ZNF45: variants seen among roughly 807,000 people sequenced by gnomAD.
ZNF45 encodes zinc finger protein 45.
In ZNF45, 4 loss-of-function variants were observed where a neutral mutation model predicts 12.0. That is an observed-to-expected ratio of 0.33 (90% confidence interval 0.16 to 0.76). The LOEUF is 0.76. ZNF45 is among the 30% of genes least tolerant of loss of function. The pLI is 0.60. For synonymous variants in ZNF45, 272 were observed against 279.6 expected (o/e 0.97, Z 0.27); for missense variants, 700 against 813.0 (o/e 0.86, Z 1.69).
At chr19:43,930,615 C>T (rs969454590) in intron 3 of ZNF45, among the ~76,000 whole-genome samples, 2 of 152,142 alleles carry the variant, frequency 1.3e-5, no homozygotes, top group East Asian at 3.9e-4. Context: ...TGCTCCTCTC[C>T]AGTATAAGAT....
rs1231388284 is a variant in ZNF45 at position 43,913,483 on chromosome 19, C to T, written c.1953G>A (p.Trp651Ter). The change falls in exon 10 of 10, where the codon TGG (tryptophan) becomes TGA (stop). Residue 651 changes from tryptophan to a stop codon, truncating the protein, a stop_gained. Coordinates refer to ENST00000269973, the MANE Select transcript of ZNF45 (RefSeq NM_003425.4). LOFTEE classifies it low-confidence loss of function (END_TRUNC). The stretch of plus-strand genomic sequence containing the variant: ...GCTGATGAATGATAAGACTTGAGCT[C>T]CAACTGAAGCCCTTCCCACACTCCT... ...KCEECGKGFS[W>*]SSSLIIHQRV... 1.2e-6 allele frequency: 2 copies of T among 1,613,306 alleles called. No homozygotes were observed. Among genetic ancestry groups the T allele is most frequent in the African/African-American group, 2.7e-5 (2 of 74,926 alleles).
chr19:43,931,546 T>A (rs1974142817), intron 3 of ZNF45, among the ~76,000 whole-genome samples: 1 of 133,912 alleles, frequency 7.5e-6, no homozygotes, highest in South Asian at 2.3e-4. Flanking sequence ...AAAAAAAAAA[T>A]GTATACATAT....
intron 6 of ZNF45, among the ~76,000 whole-genome samples, chr19:43,923,392 A>G (rs1229232289): frequency 6.6e-6 from 1 of 152,184 alleles, no homozygotes; most frequent in Non-Finnish European, 1.5e-5. Context: ...CTTTTGTTAC[A>G]GTATTTTATC....
chr19:43,919,007 G>T (rs2146868892), intron 8 of ZNF45, 45 bp from the exon 9 acceptor site: 1 of 1,516,890 alleles, frequency 6.6e-7, no homozygotes, highest in Non-Finnish European at 9.1e-7. Context: ...TACATCAGAA[G>T]CCAAAATTAC....
In ZNF45 at chr19:43,914,701, C is replaced by A; in HGVS notation, c.735G>T (p.Glu245Asp). 6.2e-7 allele frequency: 1 copy of A among 1,614,216 alleles called. No individual in the cohort carries two copies. Among genetic ancestry groups the A allele is most frequent in the Non-Finnish European group, 8.5e-7 (1 of 1,180,038 alleles). The change falls in exon 10 of 10, where the codon GAG (glutamate) becomes GAT (aspartate). Residue 245 changes from glutamate (E) to aspartate (D), a missense_variant. Glu to Asp is a conservative substitution (Grantham distance 45). Transcript: ENST00000269973. ...LPHHQRVPTGENPYKYEECGR... is the reference protein window; with the variant it reads ...LPHHQRVPTGDNPYKYEECGR... ...CACACTCTTCATATTTGTATGGATT[C>A]TCTCCAGTGGGAACTCTCTGATGAT...
intron 3 of ZNF45, chr19:43,931,141 A>C (rs544905376): frequency 4.3e-4 from 66 of 152,340 alleles, no homozygotes; most frequent in African/African-American, 1.5e-3. Context: ...AGGTTTCAAC[A>C]ATCACTATCA....
Position 43,915,117 on chromosome 19 carries a change from T to C in ZNF45, c.319A>G (p.Ile107Val). ...LPHEELFCSQIWQQITRELIK... is the reference protein window; with the variant it reads ...LPHEELFCSQVWQQITRELIK... The stretch of plus-strand genomic sequence containing the variant: ...AACTCTCTTGTAATCTGTTGCCAGA[T>C]CTGGGAGCAGAAAAGCTCTTCATGA... The change falls in exon 10 of 10, where the codon ATC becomes GTC. Residue 107 changes from isoleucine to valine, a missense_variant. Physicochemically the swap from Ile to Val is conservative, Grantham distance 29. Transcript: ENST00000269973. The C allele has an allele frequency of 6.3e-7, 1 of 1,597,660 alleles. No homozygotes were observed. The highest frequency in any genetic ancestry group is 8.5e-7 in the Non-Finnish European group (1 of 1,171,814).
rs1274027272 is a variant in ZNF45, at chr19:43,935,124, T to C, written c.-956A>G. On this transcript the variant is annotated 5_prime_UTR_variant, in exon 1 of 10. Transcript: ENST00000269973. ...CCAGCCATTCAACTCCGCCCTCCGCTGCTCGCCGCAGCGTCTTTTCCTGCT... is the reference window on the plus strand; with the variant it reads ...CCAGCCATTCAACTCCGCCCTCCGCCGCTCGCCGCAGCGTCTTTTCCTGCT... The C allele has an allele frequency of 4.6e-5, 7 of 152,474 alleles. No individual in the cohort carries two copies. Among genetic ancestry groups the C allele is most frequent in the Non-Finnish European group, 1.0e-4 (7 of 68,228 alleles). The allele number at this position is 152,474 out of a possible 1,614,324, so 9.4% of individuals were successfully genotyped here. A position where few individuals can be genotyped will look rare whatever the true frequency, so the allele number is the denominator to read the frequency against.
chr19:43,914,292 G>C lies in ZNF45; in HGVS notation c.1144C>G (p.His382Asp). The C allele has an allele frequency of 6.2e-7, 1 of 1,612,928 alleles. No individual in the cohort carries two copies. Among genetic ancestry groups the C allele is most frequent in the Non-Finnish European group, 8.5e-7 (1 of 1,179,406 alleles). Residue 382 changes from histidine (H) to aspartate (D), a missense_variant, in exon 10 of 10, where the codon CAC becomes GAC. Transcript: ENST00000269973. ...CATTTGTATGGCTTCTCTCCAGTGT[G>C]GCTTATCTGATGGGCCTGAAGGTGT... Reference protein sequence around the residue: ...GSHLQAHQISHTGEKPYKCEE... With the variant: ...GSHLQAHQISDTGEKPYKCEE...
At position 43,927,818 on chromosome 19, in the gene ZNF45, C is replaced by T. The variant is rs1012808561; in HGVS notation, c.-399-2360G>A. On this transcript the variant is annotated intron_variant, in intron 3 of 9. Coordinates refer to ENST00000269973, the MANE Select transcript of ZNF45 (RefSeq NM_003425.4). ...ACATGGAATCAACCTAAATGCCCGT[C>T]GATAGCAGTCTGGATAAAGAAAATG... 7.2e-5 allele frequency among the ~76,000 whole-genome samples: 11 copies of T among 152,042 alleles called. No individual in the cohort carries two copies. The South Asian group carries it at 1.7e-3, about 23-fold the overall frequency.
At chr19:43,916,314 C>A (rs758727583) in intron 9 of ZNF45, among the ~76,000 whole-genome samples, 10 of 152,062 alleles carry the variant, frequency 6.6e-5, no homozygotes, top group Admixed American at 3.3e-4. Flanking sequence ...TGGGGTTTCA[C>A]CATCTTGCCT....
At chr19:43,934,182 C>T (rs1974345324) in intron 2 of ZNF45, among the ~76,000 whole-genome samples, 1 of 152,190 alleles carries the variant, frequency 6.6e-6, no homozygotes, top group Non-Finnish European at 1.5e-5. Flanking sequence ...TCCATTTCCT[C>T]ATCTGTATAA....
rs555580512 is a variant in ZNF45, at chr19:43,917,881, T to C, written c.235+989A>G. Among the ~76,000 whole-genome samples, 343 of 152,326 alleles carry C rather than the reference T, an allele frequency of 2.3e-3. 2 individuals are homozygous for C. Among genetic ancestry groups the C allele is most frequent in the African/African-American group, 7.5e-3 (310 of 41,560 alleles). ...TCCCTATTTTGCCCAGGTTATAATG[T>C]TTCTAATTGAAAATGATATGTTAGG... On this transcript the variant is annotated intron_variant, in intron 9 of 9. Transcript: ENST00000269973.
At chr19:43,924,987 T>TA (rs1217804627) in intron 4 of ZNF45, among the ~76,000 whole-genome samples, 1 of 152,280 alleles carries the variant, frequency 6.6e-6, no homozygotes, top group African/African-American at 2.4e-5. Context: ...AATGTCTGTG[T>TA]CCCCTCAAAA....
chr19:43,916,053 G>A lies in ZNF45; in HGVS notation c.236-853C>T, dbSNP rs150709313. Among the ~76,000 whole-genome samples the A allele has an allele frequency of 2.3e-3, 352 of 152,066 alleles. 2 individuals are homozygous for A. Among genetic ancestry groups the A allele is most frequent in the African/African-American group, 7.5e-3 (312 of 41,492 alleles). On this transcript the variant is annotated intron_variant, in intron 9 of 9. Transcript: ENST00000269973. ...AGGCTGGTCTCAATCTCCTGACCTC[G>A]TGATCCACCTGCCTCGGCCTCCCAA...
chr19:43,930,432 C>T (rs543574243), intron 3 of ZNF45, among the ~76,000 whole-genome samples: 2 of 152,188 alleles, frequency 1.3e-5, no homozygotes, highest in Non-Finnish European at 2.9e-5. Context: ...GAAGTTCAAG[C>T]TCATAGAAGT....
chr19:43,920,536 G>GGT lies in ZNF45; in HGVS notation c.16-838_16-837insAC, dbSNP rs1491174364. ...GGAATGTTTCCAGATGTTGCCGGGT[G>GGT]GGGGGGGGGGGCAGTGGGCGGTAAA... On this transcript the variant is annotated intron_variant, in intron 7 of 9. Coordinates refer to ENST00000269973, the MANE Select transcript of ZNF45 (RefSeq NM_003425.4). Among the ~76,000 whole-genome samples, 12 of 10,072 alleles carry GGT rather than the reference G, an allele frequency of 1.2e-3. 2 individuals are homozygous for GGT. The highest frequency in any genetic ancestry group is 5.5e-3 in the East Asian group (2 of 364). 6.6% of individuals were successfully genotyped at this position (10,072 alleles called of 152,430 possible).
At chr19:43,925,276 G>A (rs1380854741) in intron 4 of ZNF45, 49 bp downstream of exon 4, 2 of 152,202 alleles carry the variant, frequency 1.3e-5, no homozygotes, top group Admixed American at 1.3e-4. Flanking sequence ...AAGCCACCCA[G>A]CCTATGGTAT....
chr19:43,923,557 A>C (rs1306340567), intron 6 of ZNF45, among the ~76,000 whole-genome samples: 2 of 152,168 alleles, frequency 1.3e-5, no homozygotes, highest in African/African-American at 4.8e-5. Flanking sequence ...GGGGACTTGG[A>C]AGGTATCTGC....
Sources: allele counts gnomAD v4.1 joint callset (sites outside exome capture counted in the v4.1 genomes callset), GRCh38; gene constraint gnomAD v4.1.1; transcripts MANE v1.5; gene names NCBI Gene and HGNC (gene_info 2026-07-23, HGNC 2026-07-21).